Variants in KRT82 observed in about 807,000 individuals in gnomAD.
The protein encoded by KRT82 is keratin, type II cuticular Hb2.
In KRT82, 44 loss-of-function variants were observed where a neutral mutation model predicts 48.0. The observed-to-expected ratio is 0.92, with a 90% CI of 0.72 to 1.18. The LOEUF (loss-of-function observed/expected upper bound fraction) is 1.18, where lower values mean the gene tolerates loss of function less well. Among genes scored for constraint, KRT82 ranks in the 50% most tolerant of loss-of-function variants. The probability of loss-of-function intolerance (pLI) is 0.00; values close to 1 mark genes in which losing one functional copy is unlikely to be tolerated. For missense variants in KRT82, 701 were observed against 671.4 expected (o/e 1.04, Z -0.49); for synonymous variants, 297 against 278.3 (o/e 1.07, Z -0.67).
Position 52,403,819 on chromosome 12 carries a change from T to C in KRT82, c.502A>G (p.Ile168Val). Reference protein sequence around the residue: ...QRCCQTNIEPIFEGYISALRR... With the variant: ...QRCCQTNIEPVFEGYISALRR... ...AGGGCGCTGATATAGCCCTCGAAGA[T>C]GGGCTCGATGTTGGTCTGGCAGCAC... Residue 168 changes from isoleucine (I) to valine (V), a missense_variant, in exon 2 of 9, where the codon ATC becomes GTC. By Grantham distance (29) the Ile-to-Val change is conservative (BLOSUM62 3). Transcript: ENST00000257974. The C allele has an allele frequency of 6.2e-7, 1 of 1,613,782 alleles. No individual in the cohort carries two copies. Among genetic ancestry groups the C allele is most frequent in the Non-Finnish European group, 8.5e-7 (1 of 1,179,900 alleles).
In KRT82 at chr12:52,394,574, C is replaced by G. The variant is rs115549163; in HGVS notation, c.*401G>C. ...TTCACTTTTCTTAGGGGCATGAGAG[C>G]CTAAAGTAAGGGCAGTGTGAGCCTG... On this transcript the variant is annotated 3_prime_UTR_variant, in exon 9 of 9. Transcript: ENST00000257974. 0.011 allele frequency: 2,184 copies of G among 200,992 alleles called. 57 individuals are homozygous for G. The highest frequency in any genetic ancestry group is 0.047 in the African/African-American group (2,049 of 43,146). 12.5% of individuals were successfully genotyped at this position (200,992 alleles called of 1,614,324 possible).
chr12:52,395,500 AT>A (rs1293935818), intron 8 of KRT82, among the ~76,000 whole-genome samples: 1 of 152,128 alleles, frequency 6.6e-6, no homozygotes, highest in Non-Finnish European at 1.5e-5. Flanking sequence ...CTAGAAGAGC[AT>A]CCTCTTGTCA....
rs1469547406 is a variant in KRT82, at chr12:52,405,851, G to A, written c.411+16C>T. 1 of 1,597,346 alleles carries A rather than the reference G, an allele frequency of 6.3e-7. No homozygotes were observed. Among genetic ancestry groups the A allele is most frequent in the Non-Finnish European group, 8.5e-7 (1 of 1,170,568 alleles). On this transcript the variant is annotated intron_variant, in intron 1 of 8. Coordinates refer to ENST00000257974, the MANE Select transcript of KRT82 (RefSeq NM_033033.4). ...GCAGTGGGTCCTCTCACGGCCCTGGGCCACTGCCCCCTTACCTTGTTGATG... is the reference window on the plus strand; with the variant it reads ...GCAGTGGGTCCTCTCACGGCCCTGGACCACTGCCCCCTTACCTTGTTGATG...
intron 2 of KRT82, among the ~76,000 whole-genome samples, 164 bp downstream of exon 2, chr12:52,403,537 C>T (rs916614736): frequency 2.0e-5 from 3 of 152,142 alleles, no homozygotes; most frequent in Admixed American, 6.5e-5. Context: ...GAGCTCCTAC[C>T]GTGTGCCAAG....
rs560230069 is a variant in KRT82 at position 52,405,802 on chromosome 12, A to G, written c.411+65T>C. 1,613 of 1,498,422 alleles carry G rather than the reference A, an allele frequency of 1.1e-3. 2 individuals are homozygous for G. Among genetic ancestry groups the G allele is most frequent in the Non-Finnish European group, 1.4e-3 (1,551 of 1,114,658 alleles). 92.8% of individuals were successfully genotyped at this position (1,498,422 alleles called of 1,614,324 possible). ...AGTCTCCTCCTGGTTCCCTTGGACC[A>G]GAACAAGACCAGACCCCAGATCTGC... On this transcript the variant is annotated intron_variant, in intron 1 of 8. Coordinates refer to ENST00000257974, the MANE Select transcript of KRT82 (RefSeq NM_033033.4).
At chr12:52,402,550 GA>G (rs1210546606) in intron 2 of KRT82, 1 of 152,220 alleles carries the variant, frequency 6.6e-6, no homozygotes, top group Admixed American at 6.5e-5. Context: ...CCATTGGAAT[GA>G]GCCATTATCC....
At position 52,395,123 on chromosome 12, in the gene KRT82, A is replaced by G. The variant is rs747441375; in HGVS notation, c.1394T>C (p.Val465Ala). The G allele has an allele frequency of 3.1e-6, 5 of 1,614,014 alleles. No individual in the cohort carries two copies. In the South Asian group the frequency reaches 5.5e-5, roughly 18 times the overall value. Residue 465 changes from valine (V) to alanine (A), a missense_variant, in exon 9 of 9, where the codon GTC becomes GCC. Coordinates refer to ENST00000257974, the MANE Select transcript of KRT82 (RefSeq NM_033033.4). ...GCTGCAGCCCCCATTGCTCCTGAGG[A>G]CGCCAGTGCTGAGGACAGGCGTGCT... ...GVSTPVLSTG[V>A]LRSNGGCSIV...
chr12:52,403,710 T>C lies in KRT82; in HGVS notation c.611A>G (p.Tyr204Cys). The C allele has an allele frequency of 6.2e-7, 1 of 1,603,246 alleles. No individual in the cohort carries two copies. Among genetic ancestry groups the C allele is most frequent in the Non-Finnish European group, 8.5e-7 (1 of 1,171,300 alleles). Reference sequence around the variant, plus strand: ...AGCAGCACTGACTCACTTTTTCTTGTAGCCCTCCAGTGCAGCCTGGAGGCT... The same window carrying C: ...AGCAGCACTGACTCACTTTTTCTTGCAGCCCTCCAGTGCAGCCTGGAGGCT... The part of the protein sequence containing the change: ...LCSLQAALEG[Y>C]KKKYEEELSL... The change falls in exon 2 of 9, where the codon TAC (tyrosine) becomes TGC (cysteine). Residue 204 changes from tyrosine to cysteine, a missense_variant. Transcript: ENST00000257974.
In KRT82 at chr12:52,406,160, G is replaced by C; in HGVS notation, c.118C>G (p.Pro40Ala). Residue 40 changes from proline to alanine, a missense_variant, in exon 1 of 9, where the codon CCC (proline) becomes GCC (alanine). Transcript: ENST00000257974. ...HYAVSKGPCR[P>A]GGGRGLRALG... ...GCTCGGAGGCCCCTACCACCCCCGG[G>C]CCGGCATGGCCCCTTGCTCACTGCA... 1 of 1,613,232 alleles carries C rather than the reference G, an allele frequency of 6.2e-7. No individual in the cohort carries two copies. Among genetic ancestry groups the C allele is most frequent in the Non-Finnish European group, 8.5e-7 (1 of 1,179,880 alleles).
Position 52,396,135 on chromosome 12 carries a change from A to C in KRT82, c.1166T>G (p.Leu389Arg). The C allele has an allele frequency of 6.2e-7, 1 of 1,614,200 alleles. No individual in the cohort carries two copies. The change falls in exon 7 of 9, where the codon CTG (leucine) becomes CGG (arginine). Residue 389 changes from leucine (L) to arginine (R), a missense_variant. Coordinates refer to ENST00000257974, the MANE Select transcript of KRT82 (RefSeq NM_033033.4). Reference sequence around the variant, plus strand: ...GGCCATGTCCTGCTTGGCCTTCTGCAGAGCCTCCTCCAGCCCTGCCAGCTT... The same window carrying C: ...GGCCATGTCCTGCTTGGCCTTCTGCCGAGCCTCCTCCAGCCCTGCCAGCTT... The part of the protein sequence containing the change: ...KCKLAGLEEA[L>R]QKAKQDMACL...
rs1331065888 is a variant in KRT82, at chr12:52,406,173, C to G, written c.105G>C (p.Lys35Asn). The change falls in exon 1 of 9, where the codon AAG becomes AAC. Residue 35 changes from lysine (K) to asparagine (N), a missense_variant. By Grantham distance (94) the Lys-to-Asn change is moderately conservative. Coordinates refer to ENST00000257974, the MANE Select transcript of KRT82 (RefSeq NM_033033.4). ...PRMVTHYAVS[K>N]GPCRPGGGRG... ...TACCACCCCCGGGCCGGCATGGCCC[C>G]TTGCTCACTGCATAGTGGGTGACCA... The G allele has an allele frequency of 6.2e-6, 10 of 1,613,356 alleles. No homozygotes were observed. The highest frequency in any genetic ancestry group is 1.3e-5 in the African/African-American group (1 of 74,940).
chr12:52,394,864 G>A lies in KRT82; in HGVS notation c.*111C>T, dbSNP rs367822028. On this transcript the variant is annotated 3_prime_UTR_variant, in exon 9 of 9. Transcript: ENST00000257974. ...AGGGAACACTGGAGGGGAATGTGGA[G>A]TCAATAAAGGGAGGTGGGGTTTTGG... 5.3e-5 allele frequency: 48 copies of A among 912,614 alleles called. No individual in the cohort carries two copies. The African/African-American group carries it at 7.7e-4, about 15-fold the overall frequency. 56.5% of individuals were successfully genotyped at this position (912,614 alleles called of 1,614,324 possible). A position where few individuals can be genotyped will look rare whatever the true frequency, so the allele number is the denominator to read the frequency against.
At position 52,395,000 on chromosome 12, in the gene KRT82, C is replaced by T. The variant is rs200092414; in HGVS notation, c.1517G>A (p.Gly506Asp). ...CTAATGCTTGTGGCTGGGGGAGCTG[C>T]CCCCAGCTCCTAGCGTCATGCTGGA... ...RKSSMTLGAG[G>D]SSPSHKH is the part of the protein sequence containing the mutation. The change falls in exon 9 of 9, where the codon GGC (glycine) becomes GAC (aspartate). Residue 506 changes from glycine to aspartate, a missense_variant. Physicochemically the swap from Gly to Asp is moderately conservative, Grantham distance 94. Coordinates refer to ENST00000257974, the MANE Select transcript of KRT82 (RefSeq NM_033033.4). 16 of 1,612,998 alleles carry T rather than the reference C, an allele frequency of 9.9e-6. No homozygotes were observed. The East Asian group carries it at 2.9e-4, about 29-fold the overall frequency.
intron 2 of KRT82, among the ~76,000 whole-genome samples, chr12:52,402,704 G>A (rs1939805252): frequency 6.6e-6 from 1 of 152,144 alleles, no homozygotes; most frequent in African/African-American, 2.4e-5. Context: ...GAAAGAGTTA[G>A]CCTTTTTTCT....
chr12:52,406,261 A>G lies in KRT82; in HGVS notation c.17T>C (p.Phe6Ser). 1 of 1,600,406 alleles carries G rather than the reference A, an allele frequency of 6.2e-7. No homozygotes were observed. The highest frequency in any genetic ancestry group is 8.5e-7 in the Non-Finnish European group (1 of 1,171,614). Reference sequence around the variant, plus strand: ...ACTGCCACACCTGGAGCCTGGCTGGAAAGAGTGGTACGACATGGCAGGAGA... The same window carrying G: ...ACTGCCACACCTGGAGCCTGGCTGGGAAGAGTGGTACGACATGGCAGGAGA... MSYHS[F>S]QPGSRCGSQS... is the part of the protein sequence containing the mutation. Residue 6 changes from phenylalanine (F) to serine (S), a missense_variant, in exon 1 of 9, where the codon TTC becomes TCC. Coordinates refer to ENST00000257974, the MANE Select transcript of KRT82 (RefSeq NM_033033.4).
chr12:52,395,615 G>T, intron 8 of KRT82, 144 bp downstream of exon 8: 1 of 635,408 alleles, frequency 1.6e-6, no homozygotes, highest in Non-Finnish European at 2.7e-6. Flanking sequence ...CTTTCCACCA[G>T]CCTGGGAGCT....
At chr12:52,405,438 G>C (rs1381953320) in intron 1 of KRT82, among the ~76,000 whole-genome samples, 2 of 152,140 alleles carry the variant, frequency 1.3e-5, no homozygotes, top group Non-Finnish European at 2.9e-5. Context: ...AAACTCTGAG[G>C]TCACAGTGTC....
In KRT82 at chr12:52,400,163, C is replaced by T; in HGVS notation, c.778-14G>A. ...CAGGCAGATCTCCTGGGGGCAGGGC[C>T]CATGTGAGAAGGAGTGAGCTCTCTG... On this transcript the variant is annotated splice_polypyrimidine_tract_variant and intron_variant, in intron 4 of 8. Transcript: ENST00000257974. 1 of 1,608,216 alleles carries T rather than the reference C, an allele frequency of 6.2e-7. No individual in the cohort carries two copies. The highest frequency in any genetic ancestry group is 8.5e-7 in the Non-Finnish European group (1 of 1,175,884).
At chr12:52,403,448 T>C (rs1939813883) in intron 2 of KRT82, among the ~76,000 whole-genome samples, 1 of 152,126 alleles carries the variant, frequency 6.6e-6, no homozygotes, top group South Asian at 2.1e-4. Context: ...ATGAAAGAGC[T>C]TATTTTACAG....
Sources: allele counts gnomAD v4.1 joint callset (sites outside exome capture counted in the v4.1 genomes callset), GRCh38; gene constraint gnomAD v4.1.1; transcripts MANE v1.5; gene names NCBI Gene and HGNC (gene_info 2026-07-23, HGNC 2026-07-21).